HERC2: variants seen among roughly 807,000 people sequenced by gnomAD.
HERC2 encodes the protein HECT and RLD domain containing E3 ubiquitin protein ligase 2.
Under a neutral mutation model 537.7 loss-of-function variants are expected in HERC2, and 102 were observed. That is an observed-to-expected ratio of 0.19 (90% confidence interval 0.16 to 0.22). The LOEUF (loss-of-function observed/expected upper bound fraction) is 0.22. HERC2 is among the 10% of genes least tolerant of loss of function. The pLI, the probability that HERC2 is intolerant of heterozygous loss-of-function variation, is 1.00. For missense variants in HERC2, 4,236 were observed against 6,198.2 expected (o/e 0.68, Z 10.63); for synonymous variants, 2,224 against 2,466.2 (o/e 0.90, Z 2.91).
At chr15:28,320,991 C>T (rs1047712109) in intron 2 of HERC2, among the ~76,000 whole-genome samples, 1 of 151,786 alleles carries the variant, frequency 6.6e-6, no homozygotes, top group Non-Finnish European at 1.5e-5. Flanking sequence ...CTGCAACTTA[C>T]TTCTCCAATT....
chr15:28,146,741 C>T (rs1891784621), intron 70 of HERC2, among the ~76,000 whole-genome samples: 1 of 149,012 alleles, frequency 6.7e-6, no homozygotes, highest in South Asian at 2.1e-4. Context: ...AGGTGAGGAG[C>T]ACCTCAACTT....
Position 28,191,835 on chromosome 15 carries a change from C to T in HERC2, c.8451+126G>A, listed in dbSNP as rs140551267. On this transcript the variant is annotated intron_variant, in intron 53 of 92. Coordinates refer to ENST00000261609, the MANE Select transcript of HERC2 (RefSeq NM_004667.6). ...CTTTGAAATAACTTATAAATTAAAA[C>T]ATAACGTGAGTACTGACAGGTGCTA... 1,790 of 672,940 alleles carry T rather than the reference C, an allele frequency of 2.7e-3. 5 individuals carry two copies. Among genetic ancestry groups the T allele is most frequent in the Non-Finnish European group, 4.0e-3 (1,623 of 406,826 alleles). 41.7% of individuals were successfully genotyped at this position (672,940 alleles called of 1,614,324 possible).
Position 28,246,026 on chromosome 15 carries a change from C to G in HERC2, c.3432G>C (p.Leu1144=). Reference sequence around the variant, plus strand: ...GCATGAGACCAGCATTTTTACTGAGCAGAAGCACTATAGAAACTACTAGTT... The same window carrying G: ...GCATGAGACCAGCATTTTTACTGAGGAGAAGCACTATAGAAACTACTAGTT... ...LPELVVSIVL[L]LSKNAGLMQE... The change falls in exon 23 of 93, where the codon CTG becomes CTC. Residue 1144 remains leucine, a synonymous_variant. Coordinates refer to ENST00000261609, the MANE Select transcript of HERC2 (RefSeq NM_004667.6). 3 of 1,613,372 alleles carry G rather than the reference C, an allele frequency of 1.9e-6. No homozygotes were observed. Among genetic ancestry groups the G allele is most frequent in the Non-Finnish European group, 2.5e-6 (3 of 1,179,484 alleles).
chr15:28,174,831 A>G (rs1056518468), intron 64 of HERC2, among the ~76,000 whole-genome samples: 1 of 152,184 alleles, frequency 6.6e-6, no homozygotes, highest in African/African-American at 2.4e-5. Context: ...ATGCTTGCTA[A>G]TACCTATAAA....
At chr15:28,248,769 A>G in intron 20 of HERC2, 33 bp from the exon 21 acceptor site, 1 of 1,552,646 alleles carries the variant, frequency 6.4e-7, no homozygotes, top group Non-Finnish European at 8.8e-7. Context: ...ACAAAATTAA[A>G]CAAGATATTT....
In HERC2 at chr15:28,163,128, G is replaced by A. The variant is rs151205330; in HGVS notation, c.10712C>T (p.Ala3571Val). The A allele has an allele frequency of 1.9e-4, 305 of 1,611,764 alleles. No individual in the cohort carries two copies. Among genetic ancestry groups the A allele is most frequent in the Non-Finnish European group, 2.3e-4 (268 of 1,179,984 alleles). The change falls in exon 69 of 93, where the codon GCG becomes GTG. Residue 3571 changes from alanine to valine, a missense_variant. Coordinates refer to ENST00000261609, the MANE Select transcript of HERC2 (RefSeq NM_004667.6). ...AGDRGRDVLS[A>V]VLSGMGTAYP... ...GGCGGTCCCCATGCCGGAAAGCACC[G>A]CGGAGAGCACATCCCTGCCCCTGTC...
At chr15:28,116,123 C>T (rs750293737) in intron 88 of HERC2, among the ~76,000 whole-genome samples, 1 of 152,240 alleles carries the variant, frequency 6.6e-6, no homozygotes, top group East Asian at 1.9e-4. Context: ...GGTCCACCAC[C>T]GTCAGGCCCT....
chr15:28,319,233 C>T lies in HERC2; in HGVS notation c.72+2129G>A, dbSNP rs1596477698. 2.0e-5 allele frequency among the ~76,000 whole-genome samples: 3 copies of T among 152,332 alleles called. No individual in the cohort carries two copies. In the South Asian group the frequency reaches 6.3e-4, roughly 32 times the overall value. On this transcript the variant is annotated intron_variant, in intron 2 of 92. Transcript: ENST00000261609. ...TACTTAGACCTGTAACACATTTTTCCTCTGGTGCACACTATCCAAAACCTA... is the reference window on the plus strand; with the variant it reads ...TACTTAGACCTGTAACACATTTTTCTTCTGGTGCACACTATCCAAAACCTA...
intron 4 of HERC2, 45 bp downstream of exon 4, chr15:28,292,843 A>G (rs2076355975): frequency 3.2e-6 from 5 of 1,575,572 alleles, no homozygotes; most frequent in African/African-American, 1.4e-5. Context: ...TTAGAAAGGG[A>G]GCGTCAGATC....
chr15:28,304,570 G>A (rs1184867336), intron 2 of HERC2, among the ~76,000 whole-genome samples: 2 of 151,900 alleles, frequency 1.3e-5, no homozygotes, highest in African/African-American at 2.4e-5. Flanking sequence ...GTATCACCGT[G>A]TTGGCCAGGC....
chr15:28,313,303 G>A (rs1378851980), intron 2 of HERC2, among the ~76,000 whole-genome samples: 623 of 150,914 alleles, frequency 4.1e-3, no homozygotes, highest in African/African-American at 0.011. Flanking sequence ...TCAGCCTCCC[G>A]AGTAGCTGGG....
chr15:28,309,369 A>G (rs998887234), intron 2 of HERC2, among the ~76,000 whole-genome samples: 4 of 152,190 alleles, frequency 2.6e-5, no homozygotes, highest in African/African-American at 7.2e-5. Context: ...ACATATATTT[A>G]TAATAGTTAT....
intron 44 of HERC2, among the ~76,000 whole-genome samples, chr15:28,206,592 G>A (rs372800762): frequency 6.6e-6 from 1 of 151,618 alleles, no homozygotes; most frequent in Non-Finnish European, 1.5e-5. Flanking sequence ...CCTGCACTTC[G>A]GGAGGCCAAG....
intron 4 of HERC2, among the ~76,000 whole-genome samples, chr15:28,284,046 T>C (rs1219838152): frequency 1.3e-5 from 2 of 152,240 alleles, no homozygotes; most frequent in Admixed American, 1.3e-4. Context: ...GGTAATTTTA[T>C]ACAGCATGCT....
chr15:28,145,048 G>A (rs947723566), intron 71 of HERC2, among the ~76,000 whole-genome samples: 5 of 152,214 alleles, frequency 3.3e-5, no homozygotes, highest in South Asian at 2.1e-4. Context: ...TGCGGCAGGC[G>A]GGCAGACACT....
intron 4 of HERC2, among the ~76,000 whole-genome samples, chr15:28,288,087 T>C (rs1045817877): frequency 1.3e-5 from 2 of 152,034 alleles, no homozygotes; most frequent in African/African-American, 4.8e-5. Context: ...GAGTCAGAGA[T>C]AAAGCCAAAA....
At chr15:28,119,399 C>CAAAAAAAAAA in intron 86 of HERC2, among the ~76,000 whole-genome samples, 1 of 133,928 alleles carries the variant, frequency 7.5e-6, no homozygotes. Flanking sequence ...GACTCCCTCT[C>CAAAAAAAAAA]AAAAAAAAAA....
chr15:28,237,021 T>C lies in HERC2; in HGVS notation c.3945A>G (p.Leu1315=), dbSNP rs1345591274. 1 of 1,611,838 alleles carries C rather than the reference T, an allele frequency of 6.2e-7. No individual in the cohort carries two copies. The highest frequency in any genetic ancestry group is 8.5e-7 in the Non-Finnish European group (1 of 1,179,814). The change falls in exon 26 of 93, where the codon TTA becomes TTG. Residue 1315 remains leucine (L), a synonymous_variant. Coordinates refer to ENST00000261609, the MANE Select transcript of HERC2 (RefSeq NM_004667.6). The stretch of plus-strand genomic sequence containing the variant: ...TGCTCATTGCCAAATACGAAGCGTG[T>C]AATCCGAGAAGCAGGCCCAGATTCC... ...TERNLGLLLG[L]HASYLAMSTP...
Position 28,263,063 on chromosome 15 carries a change from C to CA in HERC2, c.1976dup (p.Val660GlyfsTer26). The CA allele has an allele frequency of 6.2e-7, 1 of 1,614,136 alleles. No homozygotes were observed. The highest frequency in any genetic ancestry group is 8.5e-7 in the Non-Finnish European group (1 of 1,180,028). ...ACTGACTTCCACAGCGGACTTTGACCACATCCAAGTCTTGAAGCTTTTCAA... is the reference window on the plus strand; with the variant it reads ...ACTGACTTCCACAGCGGACTTTGACCAACATCCAAGTCTTGAAGCTTTTCAA... On this transcript the variant is annotated frameshift_variant, in exon 15 of 93. Transcript: ENST00000261609. LOFTEE classifies it high-confidence loss of function.
Sources: allele counts gnomAD v4.1 joint callset (sites outside exome capture counted in the v4.1 genomes callset), GRCh38; gene constraint gnomAD v4.1.1; transcripts MANE v1.5; gene names NCBI Gene and HGNC (gene_info 2026-07-23, HGNC 2026-07-21).